The following CAP2 variants were observed in gnomAD, a reference collection of about 807,000 sequenced individuals.
The protein encoded by CAP2 is cyclase associated actin cytoskeleton regulatory protein 2.
In CAP2, 24 loss-of-function variants were observed where a neutral mutation model predicts 57.7. That is an observed-to-expected ratio of 0.42 (90% CI 0.30 to 0.58). The LOEUF is 0.58. CAP2 is among the 20% of genes least tolerant of loss of function. The pLI is 0.22. For missense variants in CAP2, 501 were observed against 590.3 expected (o/e 0.85, Z 1.57); for synonymous variants, 194 against 207.2 (o/e 0.94, Z 0.55).
At chr6:17,404,466 G>C (rs770259840) in intron 1 of CAP2, among the ~76,000 whole-genome samples, 1 of 152,136 alleles carries the variant, frequency 6.6e-6, no homozygotes, top group Non-Finnish European at 1.5e-5. Flanking sequence ...ATAGCTGGGC[G>C]TGGTGGCGAG....
intron 7 of CAP2, among the ~76,000 whole-genome samples, chr6:17,534,726 G>A (rs1306201608): frequency 6.6e-6 from 1 of 152,180 alleles, no homozygotes; most frequent in African/African-American, 2.4e-5. Flanking sequence ...CAAGGCTGCA[G>A]GCTCTGATCT....
At chr6:17,435,274 A>G (rs1759843623) in intron 3 of CAP2, among the ~76,000 whole-genome samples, 1 of 63,046 alleles carries the variant, frequency 1.6e-5, no homozygotes, top group African/African-American at 6.3e-5. Flanking sequence ...AAGACTTGGA[A>G]CCAACCCAAA....
intron 3 of CAP2, among the ~76,000 whole-genome samples, chr6:17,454,186 G>A (rs1201510665): frequency 1.3e-5 from 2 of 151,798 alleles, no homozygotes; most frequent in Non-Finnish European, 1.5e-5. Context: ...CTGGGATTAC[G>A]GGCATGAGCC....
At chr6:17,447,560 G>A (rs796944782) in intron 3 of CAP2, among the ~76,000 whole-genome samples, 8 of 152,276 alleles carry the variant, frequency 5.3e-5, no homozygotes, top group African/African-American at 1.9e-4. Context: ...GTGCAGTGGC[G>A]TGATCTTGGC....
intron 3 of CAP2, among the ~76,000 whole-genome samples, chr6:17,456,854 A>T (rs1343772776): frequency 2.0e-5 from 3 of 152,070 alleles, no homozygotes; most frequent in Non-Finnish European, 4.4e-5. Context: ...TGCCATCCAC[A>T]TGGGACTTTG....
At chr6:17,474,441 C>T (rs1761098693) in intron 4 of CAP2, among the ~76,000 whole-genome samples, 1 of 152,084 alleles carries the variant, frequency 6.6e-6, no homozygotes, top group African/African-American at 2.4e-5. Context: ...AGATCTTTGT[C>T]AGGCCTTGTT....
At position 17,551,566 on chromosome 6, in the gene CAP2, T is replaced by A. The variant is rs1163386936; in HGVS notation, c.1312T>A (p.Ser438Thr). The change falls in exon 12 of 13, where the codon TCT (serine) becomes ACT (threonine). Residue 438 changes from serine to threonine, a missense_variant. Ser to Thr is a moderately conservative substitution (Grantham distance 58). Transcript: ENST00000229922. ...CTGTGAGATCGTGAGCGCCAAGTCA[T>A]CTGAAATGAACATACTTATCCCTCA... ...LDCEIVSAKS[S>T]EMNILIPQDG... is the part of the protein sequence containing the mutation. 1.2e-6 allele frequency: 2 copies of A among 1,612,606 alleles called. No individual in the cohort carries two copies. Among genetic ancestry groups the A allele is most frequent in the South Asian group, 1.1e-5 (1 of 90,802 alleles).
chr6:17,511,537 T>C (rs9477462), intron 6 of CAP2, among the ~76,000 whole-genome samples: 94,872 of 151,986 alleles, frequency 0.62, 29,855 homozygotes, highest in Admixed American at 0.66. Context: ...CTGCAATCTC[T>C]GCCTCCCGGG....
In CAP2 at chr6:17,513,472, T is replaced by C. The variant is rs1431857260; in HGVS notation, c.531-377T>C. ...TTCTCATTCCTGGGAGTATATTGTC[T>C]CTCATTTTGCATCAGAAGCAGTGCA... is the stretch of plus-strand genomic sequence containing the variant. On this transcript the variant is annotated intron_variant, in intron 6 of 12. Transcript: ENST00000229922. The surrounding 1 kb of genome is among the most constrained non-coding windows in gnomAD (Gnocchi z 4.3). 6.6e-6 allele frequency among the ~76,000 whole-genome samples: 1 copy of C among 152,110 alleles called. No homozygotes were observed. Among genetic ancestry groups the C allele is most frequent in the East Asian group, 1.9e-4 (1 of 5,180 alleles).
chr6:17,455,567 G>A (rs1435562164), intron 3 of CAP2, among the ~76,000 whole-genome samples: 1 of 148,822 alleles, frequency 6.7e-6, no homozygotes, highest in Admixed American at 6.7e-5. Flanking sequence ...ACAGAGTCTC[G>A]CTCTGTCGCC....
In CAP2 at chr6:17,551,538, A is replaced by G. The variant is rs1259781732; in HGVS notation, c.1284A>G (p.Leu428=). The change falls in exon 12 of 13, where the codon TTA becomes TTG. Residue 428 remains leucine, a synonymous_variant. Coordinates refer to ENST00000229922, the MANE Select transcript of CAP2 (RefSeq NM_006366.3). ...ACATATACCTCAGTGAAGATGCATT[A>G]GACTGTGAGATCGTGAGCGCCAAGT... ...GCHIYLSEDA[L]DCEIVSAKSS... 1 of 1,611,442 alleles carries G rather than the reference A, an allele frequency of 6.2e-7. No individual in the cohort carries two copies.
intron 4 of CAP2, among the ~76,000 whole-genome samples, chr6:17,478,297 CTTTTTTTTT>C (rs58472723): frequency 8.3e-6 from 1 of 120,418 alleles, no homozygotes; most frequent in African/African-American, 3.5e-5. Flanking sequence ...ACTACACCTA[CTTTTTTTTT>C]TTTTTTTTTT....
intron 3 of CAP2, among the ~76,000 whole-genome samples, chr6:17,432,770 C>G (rs1759771272): frequency 6.6e-6 from 1 of 151,502 alleles, no homozygotes. Flanking sequence ...CCCTTCCTTT[C>G]TTCTCCCTCT....
intron 4 of CAP2, among the ~76,000 whole-genome samples, chr6:17,475,147 A>T (rs1009926213): frequency 1.3e-5 from 2 of 151,512 alleles, no homozygotes; most frequent in Middle Eastern, 3.4e-3. Context: ...GTGAGCTGAG[A>T]TCGCACCACT....
chr6:17,522,087 C>T (rs1206189885), intron 7 of CAP2, among the ~76,000 whole-genome samples: 1 of 151,494 alleles, frequency 6.6e-6, no homozygotes, highest in Non-Finnish European at 1.5e-5. Context: ...CTAGCCTGGG[C>T]GACAGAGCAA....
intron 3 of CAP2, among the ~76,000 whole-genome samples, chr6:17,455,122 A>T (rs988186283): frequency 6.6e-6 from 1 of 152,166 alleles, no homozygotes; most frequent in African/African-American, 2.4e-5. Flanking sequence ...AGCTGGCACC[A>T]AGGAACGGCA....
chr6:17,539,118 G>A (rs1200843546), intron 7 of CAP2, 151 bp from the exon 8 acceptor site: 2 of 668,304 alleles, frequency 3.0e-6, no homozygotes, highest in East Asian at 5.0e-5. Context: ...CTCCCAAACA[G>A]ACCCATGATG....
rs577663508 is a variant in CAP2, at chr6:17,405,151, G to A, written c.-2+11405G>A. Among the ~76,000 whole-genome samples the A allele has an allele frequency of 6.1e-4, 93 of 152,326 alleles. 1 individual carries two copies. The highest frequency in any genetic ancestry group is 2.1e-3 in the African/African-American group (88 of 41,582). ...TAACCCCAGCACTTTGGGAGGCCGA[G>A]GCGGGTGGATCACCTGAGGTCAGGA... On this transcript the variant is annotated intron_variant, in intron 1 of 12. Coordinates refer to ENST00000229922, the MANE Select transcript of CAP2 (RefSeq NM_006366.3).
At chr6:17,504,724 A>AAC (rs138296308) in intron 4 of CAP2, among the ~76,000 whole-genome samples, 19 of 151,664 alleles carry the variant, frequency 1.3e-4, no homozygotes, top group South Asian at 4.2e-4. Context: ...TACACACACA[A>AAC]ACACACACAC....
Sources: gnomAD v4.1 joint callset for allele counts (sites outside exome capture counted in the v4.1 genomes callset) on GRCh38, gnomAD v4.1.1 for gene constraint, Gnocchi (gnomAD v3.1) non-coding constraint, MANE v1.5 for transcripts, NCBI Gene and HGNC (gene_info 2026-07-23, HGNC 2026-07-21) for gene names.